ROBO2: variants seen among roughly 807,000 people sequenced by gnomAD.
The protein encoded by ROBO2 is roundabout guidance receptor 2.
Under a neutral mutation model 160.8 loss-of-function variants are expected in ROBO2, and 53 were observed. The observed-to-expected ratio is 0.33, with a 90% CI of 0.26 to 0.41. The LOEUF is 0.41. Ranked by LOEUF, ROBO2 falls within the 10% of genes least tolerant of loss-of-function variation. The pLI, the probability that ROBO2 is intolerant of heterozygous loss-of-function variation, is 1.00. For missense variants in ROBO2, 1,577 were observed against 1,722.4 expected (o/e 0.92, Z 1.49); for synonymous variants, 664 against 611.7 (o/e 1.09, Z -1.26).
rs71104626 is a variant in ROBO2 at position 76,812,909 on chromosome 3, A to ATTTTTTTTTTT, written c.110-285089_110-285079dup. On this transcript the variant is annotated intron_variant, in intron 2 of 26. Transcript: ENST00000487694. ...AAAGTGTCCTGGCACAGAAGTATAA[A>ATTTTTTTTTTT]TTTTTTTTTTTTTTTTTTTTTTTTT... is the stretch of plus-strand genomic sequence containing the variant. Among the ~76,000 whole-genome samples, 46 of 104,656 alleles carry ATTTTTTTTTTT rather than the reference A, an allele frequency of 4.4e-4. 1 individual carries two copies. Among genetic ancestry groups the ATTTTTTTTTTT allele is most frequent in the South Asian group, 1.1e-3 (3 of 2,776 alleles). The allele number at this position is 104,656 out of a possible 152,430, so 68.7% of individuals were successfully genotyped here.
intron 2 of ROBO2, among the ~76,000 whole-genome samples, chr3:76,948,872 T>TTTTTTATA (rs2078740445): frequency 5.3e-5 from 2 of 37,894 alleles, no homozygotes; most frequent in African/African-American, 2.5e-4. Flanking sequence ...ACCCGGCTAA[T>TTTTTTATA]TTTATATATA....
chr3:76,128,153 C>CA (rs201793671), intron 2 of ROBO2, among the ~76,000 whole-genome samples: 3,141 of 152,112 alleles, frequency 0.021, 102 homozygotes, highest in African/African-American at 0.063. Context: ...CTCGGCCTCC[C>CA]AAACTGTTGG....
intron 2 of ROBO2, among the ~76,000 whole-genome samples, chr3:77,128,593 A>G (rs537633768): frequency 6.6e-6 from 1 of 152,088 alleles, no homozygotes; most frequent in East Asian, 1.9e-4. Context: ...TAGTCCATCT[A>G]TTTTGCTTTC....
Position 77,144,798 on chromosome 3 carries a change from ATAAACT to A in ROBO2, c.388+46463_388+46468del, listed in dbSNP as rs980385440. Among the ~76,000 whole-genome samples the A allele has an allele frequency of 6.6e-5, 10 of 152,322 alleles. No individual in the cohort carries two copies. The East Asian group carries it at 7.7e-4, about 12-fold the overall frequency. Reference sequence around the variant, plus strand: ...CAATTCCAAGATACATGCTTTTGTGATAAACTTAAATATAATTTAGTTTTCTATCAG... The same window carrying A: ...CAATTCCAAGATACATGCTTTTGTGATAAATATAATTTAGTTTTCTATCAG... On this transcript the variant is annotated intron_variant, in intron 2 of 25. Transcript: ENST00000461745.
In ROBO2 at chr3:77,557,977, A is replaced by G. The variant is rs1402671241; in HGVS notation, c.1265A>G (p.Gln422Arg). ...GATAGACCTCCACCTATAATTCTAC[A>G]AGGCCCAGCCAACCAAACGCTGGCA... The change falls in exon 9 of 26, where the codon CAA becomes CGA. Residue 422 changes from glutamine (Q) to arginine (R), a missense_variant. Physicochemically the swap from Gln to Arg is conservative, Grantham distance 43. Around this residue, in one of 2 missense-constraint regions of ROBO2, gnomAD observed 940 missense variants for 1,135.5 expected, o/e 0.83. Coordinates refer to ENST00000461745, the Ensembl canonical transcript of ROBO2. The G allele has an allele frequency of 6.2e-7, 1 of 1,613,106 alleles. No homozygotes were observed. The highest frequency in any genetic ancestry group is 8.5e-7 in the Non-Finnish European group (1 of 1,179,342).
chr3:77,029,804 A>G (rs2063198693), intron 2 of ROBO2, among the ~76,000 whole-genome samples: 1 of 152,232 alleles, frequency 6.6e-6, no homozygotes, highest in South Asian at 2.1e-4. Context: ...ACAAAAGACA[A>G]TATCTAAATT....
intron 2 of ROBO2, among the ~76,000 whole-genome samples, chr3:76,935,026 C>T (rs1001402151): frequency 1.2e-4 from 18 of 148,674 alleles, no homozygotes; most frequent in Admixed American, 5.4e-4. Context: ...GATAACTGCT[C>T]ACTGCAGTCT....
At chr3:75,930,761 A>G (rs532432296) in intron 1 of ROBO2, among the ~76,000 whole-genome samples, 1 of 152,300 alleles carries the variant, frequency 6.6e-6, no homozygotes, top group Admixed American at 6.5e-5. Context: ...ATATTCTGAC[A>G]ATATCCAGTT....
intron 2 of ROBO2, among the ~76,000 whole-genome samples, chr3:76,477,519 A>G (rs17014256): frequency 0.05 from 7,686 of 152,206 alleles, 656 homozygotes; most frequent in African/African-American, 0.18. Flanking sequence ...GGAATGATCA[A>G]ATTAATATTT....
intron 13 of ROBO2, among the ~76,000 whole-genome samples, chr3:77,570,064 C>G (rs879647411): frequency 6.6e-6 from 1 of 151,842 alleles, no homozygotes. Flanking sequence ...TTTCAGTACC[C>G]TTGAGTAGAT....
chr3:76,268,944 C>A (rs943332699), intron 2 of ROBO2, among the ~76,000 whole-genome samples: 1 of 151,972 alleles, frequency 6.6e-6, no homozygotes, highest in African/African-American at 2.4e-5. Flanking sequence ...AACCTAGTAG[C>A]CATTTGTTGG....
intron 2 of ROBO2, among the ~76,000 whole-genome samples, chr3:76,024,268 T>A (rs775745877): frequency 1.3e-5 from 2 of 151,522 alleles, no homozygotes; most frequent in Non-Finnish European, 3.0e-5. Flanking sequence ...GAAAGACGCC[T>A]GTTTTGTCTA....
intron 6 of ROBO2, among the ~76,000 whole-genome samples, chr3:77,535,889 A>G (rs983348803): frequency 6.6e-6 from 1 of 152,224 alleles, no homozygotes; most frequent in Admixed American, 6.5e-5. Context: ...ATAGTTACCT[A>G]TAATTAAGGA....
chr3:76,694,270 A>G (rs2092878406), intron 2 of ROBO2, among the ~76,000 whole-genome samples: 2 of 152,182 alleles, frequency 1.3e-5, no homozygotes, highest in African/African-American at 4.8e-5. Flanking sequence ...AAAAGCTGCT[A>G]AAAGTCCTTT....
intron 2 of ROBO2, among the ~76,000 whole-genome samples, chr3:76,278,627 C>A (rs971854217): frequency 6.6e-6 from 1 of 151,874 alleles, no homozygotes; most frequent in Admixed American, 6.6e-5. Context: ...AAGATATTTC[C>A]CCAAGTAAAA....
chr3:76,715,977 T>C (rs2093372531), intron 2 of ROBO2, among the ~76,000 whole-genome samples: 2 of 152,218 alleles, frequency 1.3e-5, no homozygotes, highest in Admixed American at 6.5e-5. Flanking sequence ...AAAAAAATTA[T>C]ATGTTGACTT....
chr3:76,394,541 A>G (rs9859395), intron 2 of ROBO2, among the ~76,000 whole-genome samples: 28,197 of 151,952 alleles, frequency 0.19, 3,080 homozygotes, highest in African/African-American at 0.3. Context: ...TTTCTCTCTG[A>G]CTGCCCTTAA....
At chr3:76,567,344 T>TA (rs767955287) in intron 2 of ROBO2, among the ~76,000 whole-genome samples, 1 of 152,094 alleles carries the variant, frequency 6.6e-6, no homozygotes, top group Non-Finnish European at 1.5e-5. Flanking sequence ...TTTCATATCA[T>TA]AAGTCATTCT....
At chr3:77,087,738 A>G (rs1479218953) in intron 1 of ROBO2, among the ~76,000 whole-genome samples, 1 of 150,546 alleles carries the variant, frequency 6.6e-6, no homozygotes, top group Non-Finnish European at 1.5e-5. Flanking sequence ...ATATACATAT[A>G]TGTGTGTGTA....
Sources: gnomAD v4.1 joint callset for allele counts (sites outside exome capture counted in the v4.1 genomes callset) on GRCh38, gnomAD v4.1.1 for gene constraint, gnomAD v4.1.1 regional missense constraint, MANE v1.5 for transcripts, NCBI Gene and HGNC (gene_info 2026-07-23, HGNC 2026-07-21) for gene names.